The following RELCH variants were observed in gnomAD, a reference collection of about 807,000 sequenced individuals.
RELCH encodes the protein RAB11 binding and LisH domain, coiled-coil and HEAT repeat containing.
In RELCH, 41 loss-of-function variants were observed where a neutral mutation model predicts 150.3. That is an observed-to-expected ratio of 0.27 (90% confidence interval 0.21 to 0.35). The LOEUF (loss-of-function observed/expected upper bound fraction) is 0.35, where lower values mean the gene tolerates loss of function less well. RELCH is among the 10% of genes least tolerant of loss of function. The pLI, the probability that RELCH is intolerant of heterozygous loss-of-function variation, is 1.00. For synonymous variants in RELCH, 478 were observed against 531.8 expected (o/e 0.90, Z 1.39); for missense variants, 1,092 against 1,467.8 (o/e 0.74, Z 4.18).
At chr18:62,304,167 A>T (rs1347985352) in intron 28 of RELCH, among the ~76,000 whole-genome samples, 1 of 152,244 alleles carries the variant, frequency 6.6e-6, no homozygotes, top group Non-Finnish European at 1.5e-5. Context: ...AGCAAATAAT[A>T]GTAATGTGGG....
intron 1 of RELCH, among the ~76,000 whole-genome samples, chr18:62,207,947 A>G (rs2039915471): frequency 6.6e-6 from 1 of 152,186 alleles, no homozygotes; most frequent in African/African-American, 2.4e-5. Context: ...AGCTTCTTTT[A>G]TTTAGTATAA....
At chr18:62,271,528 T>G (rs2043903021) in intron 20 of RELCH, among the ~76,000 whole-genome samples, 1 of 152,196 alleles carries the variant, frequency 6.6e-6, no homozygotes, top group African/African-American at 2.4e-5. Context: ...TTTATCCCAT[T>G]CTGTAGGTTG....
chr18:62,235,778 A>C (rs1248994626), intron 10 of RELCH, among the ~76,000 whole-genome samples: 2 of 151,984 alleles, frequency 1.3e-5, no homozygotes, highest in African/African-American at 4.8e-5. Context: ...TCAAAACAAC[A>C]CTGGTCATTG....
intron 1 of RELCH, among the ~76,000 whole-genome samples, chr18:62,200,921 A>G (rs924321236): frequency 1.4e-5 from 2 of 143,230 alleles, no homozygotes; most frequent in Non-Finnish European, 3.0e-5. Context: ...TTTGACATAC[A>G]TCTCTGAGAT....
In RELCH at chr18:62,306,334, A is replaced by G. The variant is rs2045878168; in HGVS notation, c.*800A>G. On this transcript the variant is annotated 3_prime_UTR_variant, in exon 29 of 29. Transcript: ENST00000644646. ...TGCTCAAAAATAAATGTAACTGAGAAGAGTTAATAATTGTGAGATTTTTCC... is the reference window on the plus strand; with the variant it reads ...TGCTCAAAAATAAATGTAACTGAGAGGAGTTAATAATTGTGAGATTTTTCC... 6.6e-6 allele frequency: 1 copy of G among 152,232 alleles called. No individual in the cohort carries two copies. The highest frequency in any genetic ancestry group is 1.5e-5 in the Non-Finnish European group (1 of 68,032). The allele number at this position is 152,232 out of a possible 1,614,324, so 9.4% of individuals were successfully genotyped here. A position where few individuals can be genotyped will look rare whatever the true frequency, so the allele number is the denominator to read the frequency against.
chr18:62,187,820 A>G lies in RELCH; in HGVS notation c.315A>G (p.Gln105=). Residue 105 remains glutamine, a synonymous_variant, in exon 1 of 29, where the codon CAA becomes CAG. Transcript: ENST00000644646. ...DAIAAQLLRD[Q]YLLTALELHT... ...TCGCTGCTCAGCTGTTGCGCGATCA[A>G]TACTTGCTGACCGCCCTGGAGCTGC... The G allele has an allele frequency of 1.9e-6, 3 of 1,593,794 alleles. No homozygotes were observed. The highest frequency in any genetic ancestry group is 2.6e-6 in the Non-Finnish European group (3 of 1,170,110).
At chr18:62,261,379 T>G in intron 15 of RELCH, 132 bp from the exon 16 acceptor site, 1 of 662,234 alleles carries the variant, frequency 1.5e-6, no homozygotes, top group South Asian at 2.4e-5. Context: ...AGTGCCTTAC[T>G]GCTTGTTTGA....
rs372655113 is a variant in RELCH at position 62,211,144 on chromosome 18, T to C, written c.527-9T>C. The C allele has an allele frequency of 1.3e-6, 2 of 1,491,204 alleles. No individual in the cohort carries two copies. The highest frequency in any genetic ancestry group is 1.8e-6 in the Non-Finnish European group (2 of 1,084,258). The allele number at this position is 1,491,204 out of a possible 1,614,324, so 92.4% of individuals were successfully genotyped here. On this transcript the variant is annotated splice_polypyrimidine_tract_variant and intron_variant, in intron 1 of 28. Transcript: ENST00000644646. Reference sequence around the variant, plus strand: ...AATTAAAAAACTTTTATATTTCTCTTTATTATAGATCGAGCTGGGAGCATT... The same window carrying C: ...AATTAAAAAACTTTTATATTTCTCTCTATTATAGATCGAGCTGGGAGCATT...
chr18:62,284,313 A>T (rs192742454), intron 25 of RELCH: 1 of 152,350 alleles, frequency 6.6e-6, no homozygotes, highest in East Asian at 1.9e-4. Flanking sequence ...TTTTCTTCTC[A>T]TAATGGCCCC....
intron 25 of RELCH, among the ~76,000 whole-genome samples, chr18:62,286,184 T>G (rs2044781444): frequency 6.6e-6 from 1 of 152,158 alleles, no homozygotes; most frequent in Non-Finnish European, 1.5e-5. Flanking sequence ...ATGATAAGTT[T>G]CTGAATGTTT....
intron 11 of RELCH, among the ~76,000 whole-genome samples, chr18:62,245,110 C>CT (rs2042335642): frequency 6.6e-6 from 1 of 151,710 alleles, no homozygotes; most frequent in Admixed American, 6.6e-5. Flanking sequence ...CTCACCTTCT[C>CT]TTTTTAAAGG....
chr18:62,272,241 C>T (rs932455211), intron 20 of RELCH, among the ~76,000 whole-genome samples: 3 of 152,234 alleles, frequency 2.0e-5, no homozygotes, highest in South Asian at 2.1e-4. Flanking sequence ...CAGTGCTAGA[C>T]GCAACAGTAT....
chr18:62,196,959 G>C (rs1450331518), intron 1 of RELCH, among the ~76,000 whole-genome samples: 1 of 152,166 alleles, frequency 6.6e-6, no homozygotes, highest in Non-Finnish European at 1.5e-5. Flanking sequence ...AAATGGGCCT[G>C]TGGGGAAAGT....
At chr18:62,281,077 C>T (rs2044489614) in intron 24 of RELCH, among the ~76,000 whole-genome samples, 1 of 152,182 alleles carries the variant, frequency 6.6e-6, no homozygotes, top group Non-Finnish European at 1.5e-5. Context: ...CGGCTTCAGG[C>T]TGCTAAAAGC....
Position 62,231,332 on chromosome 18 carries a change from A to C in RELCH, c.1524+63A>C, listed in dbSNP as rs938917712. On this transcript the variant is annotated intron_variant, in intron 9 of 28. Transcript: ENST00000644646. Reference sequence around the variant, plus strand: ...CATTCTACTGTTTTTCTTCTTTTTAAGTTTCTCTTCTACAGAAGCATCTGT... The same window carrying C: ...CATTCTACTGTTTTTCTTCTTTTTACGTTTCTCTTCTACAGAAGCATCTGT... The C allele has an allele frequency of 2.4e-5, 25 of 1,040,072 alleles. 1 individual carries two copies. The African/African-American group carries it at 2.7e-4, about 11-fold the overall frequency. 64.4% of individuals were successfully genotyped at this position (1,040,072 alleles called of 1,614,324 possible).
chr18:62,290,047 T>A (rs1462451589), intron 26 of RELCH, among the ~76,000 whole-genome samples: 2 of 152,250 alleles, frequency 1.3e-5, no homozygotes, highest in Non-Finnish European at 2.9e-5. Context: ...GGGATTTGGT[T>A]TGACCAAATG....
At chr18:62,224,725 T>C (rs9953811) in intron 5 of RELCH, among the ~76,000 whole-genome samples, 1,781 of 152,154 alleles carry the variant, frequency 0.012, 26 homozygotes, top group East Asian at 0.052. Context: ...CTACTTAACA[T>C]TGAGATAAAT....
rs908358748 is a variant in RELCH at position 62,306,670 on chromosome 18, G to C, written c.*1136G>C. 6 of 152,618 alleles carry C rather than the reference G, an allele frequency of 3.9e-5. No homozygotes were observed. The highest frequency in any genetic ancestry group is 8.8e-5 in the Non-Finnish European group (6 of 68,030). 9.5% of individuals were successfully genotyped at this position (152,618 alleles called of 1,614,324 possible). On this transcript the variant is annotated 3_prime_UTR_variant, in exon 29 of 29. Coordinates refer to ENST00000644646, the MANE Select transcript of RELCH (RefSeq NM_001346231.2). ...TGTACAGTTCCACTGGAATTTGACA[G>C]TTGTCTCTACAGTCATGCAACTCGA...
chr18:62,309,098 A>G lies in RELCH; in HGVS notation c.*3564A>G, dbSNP rs1251267377. On this transcript the variant is annotated 3_prime_UTR_variant, in exon 29 of 29. Coordinates refer to ENST00000644646, the MANE Select transcript of RELCH (RefSeq NM_001346231.2). Reference sequence around the variant, plus strand: ...ACTAAAAATACAAAATTAGCCGGGTATGGTGGCGCACACCTGTAATCCCAG... The same window carrying G: ...ACTAAAAATACAAAATTAGCCGGGTGTGGTGGCGCACACCTGTAATCCCAG... 1 of 151,994 alleles carries G rather than the reference A, an allele frequency of 6.6e-6. No homozygotes were observed. Among genetic ancestry groups the G allele is most frequent in the Non-Finnish European group, 1.5e-5 (1 of 68,008 alleles). The allele number at this position is 151,994 out of a possible 1,614,324, so 9.4% of individuals were successfully genotyped here.
Sources: allele counts gnomAD v4.1 joint callset (sites outside exome capture counted in the v4.1 genomes callset), GRCh38; gene constraint gnomAD v4.1.1; transcripts MANE v1.5; gene names NCBI Gene and HGNC (gene_info 2026-07-23, HGNC 2026-07-21).